The following CELF2 variants were observed in gnomAD, a reference collection of about 807,000 sequenced individuals.
CELF2 encodes the protein CUG triplet repeat RNA-binding protein 2.
CELF2 carries 8 observed loss-of-function variants against 62.6 expected under a neutral mutation model. That is an observed-to-expected ratio of 0.13 (90% CI 0.07 to 0.23). The LOEUF is 0.23. Among genes scored for constraint, CELF2 ranks in the 10% least tolerant of loss-of-function variants. CELF2 has a pLI of 1.00. For missense variants in CELF2, 333 were observed against 671.0 expected, an observed-to-expected ratio of 0.50 and a Z score of 5.56; for synonymous variants, 258 against 250.0, an observed-to-expected ratio of 1.03 and a Z score of -0.30.
chr10:10,686,984 G>C, the CELF2 span, among the ~76,000 whole-genome samples: 1 of 152,116 alleles, frequency 6.6e-6, no homozygotes, highest in Admixed American at 6.5e-5. Flanking sequence ...CTAAATTCCT[G>C]ATCTCTGGCC....
intron 9 of CELF2, among the ~76,000 whole-genome samples, chr10:11,295,845 C>T (rs1433770099): frequency 1.3e-5 from 2 of 152,300 alleles, no homozygotes; most frequent in East Asian, 1.9e-4. Context: ...AAACCCCTCC[C>T]ACCCAGAGGG....
the CELF2 span, among the ~76,000 whole-genome samples, chr10:10,571,072 C>T: frequency 6.6e-6 from 1 of 152,016 alleles, no homozygotes; most frequent in Admixed American, 6.6e-5. Context: ...AAGAAACAGG[C>T]AATTACATAA....
chr10:10,965,616 A>G (rs571002646), intron 2 of CELF2, among the ~76,000 whole-genome samples: 99 of 152,316 alleles, frequency 6.5e-4, no homozygotes, highest in African/African-American at 2.3e-3. Context: ...ACAAATAAAT[A>G]TCATCCAAAT....
intron 1 of CELF2, among the ~76,000 whole-genome samples, chr10:11,027,623 C>T (rs912839355): frequency 4.6e-5 from 7 of 152,164 alleles, no homozygotes; most frequent in East Asian, 1.9e-4. Flanking sequence ...AAGTAACTTC[C>T]TCTTGGATTG....
intron 1 of CELF2, among the ~76,000 whole-genome samples, chr10:10,859,827 T>C (rs1008982187): frequency 1.3e-5 from 2 of 152,210 alleles, no homozygotes; most frequent in Non-Finnish European, 2.9e-5. Flanking sequence ...ATAAATGATA[T>C]AGTTATCATC....
In CELF2 at chr10:10,889,346, T is replaced by C. The variant is rs184200671; in HGVS notation, c.54-30618T>C. ...ATATACTGTACTCCACTTATGGGGC[T>C]CTGAGGTTTTTCTTTTCTAGGCAGC... On this transcript the variant is annotated intron_variant, in intron 1 of 13. Coordinates refer to the CELF2 transcript ENST00000636488. Among the ~76,000 whole-genome samples, 39 of 152,316 alleles carry C rather than the reference T, an allele frequency of 2.6e-4. 1 individual carries two copies. The South Asian group carries it at 4.6e-3, about 18-fold the overall frequency.
chr10:10,871,618 G>C (rs557020898), intron 1 of CELF2, among the ~76,000 whole-genome samples: 1 of 152,232 alleles, frequency 6.6e-6, no homozygotes, highest in African/African-American at 2.4e-5. Flanking sequence ...GAAGGAGGAA[G>C]AGGAGGAGGG....
At chr10:11,101,088 A>G (rs2051478373) in intron 1 of CELF2, among the ~76,000 whole-genome samples, 1 of 152,186 alleles carries the variant, frequency 6.6e-6, no homozygotes, top group Non-Finnish European at 1.5e-5. Flanking sequence ...TCAATAGGAT[A>G]TTATGATGGA....
chr10:11,197,035 A>AGGAAGGAAGGAG (rs2057937919), intron 2 of CELF2, among the ~76,000 whole-genome samples: 1 of 35,966 alleles, frequency 2.8e-5, no homozygotes, highest in African/African-American at 1.6e-4. Flanking sequence ...AAAAGAAAGA[A>AGGAAGGAAGGAG]AGAAAGAAAG....
chr10:10,895,311 T>C (rs1427418380), intron 1 of CELF2, among the ~76,000 whole-genome samples: 1 of 152,188 alleles, frequency 6.6e-6, no homozygotes, highest in East Asian at 1.9e-4. Flanking sequence ...TTACCTGAAA[T>C]TGAGCAGAAA....
At chr10:10,572,292 T>C in the CELF2 span, among the ~76,000 whole-genome samples, 2 of 152,134 alleles carry the variant, frequency 1.3e-5, no homozygotes, top group Non-Finnish European at 2.9e-5. Context: ...TCTTCTGACT[T>C]AATCTCAGGA....
chr10:11,210,471 A>G (rs2061535734), intron 2 of CELF2, among the ~76,000 whole-genome samples: 1 of 152,046 alleles, frequency 6.6e-6, no homozygotes, highest in Non-Finnish European at 1.5e-5. Context: ...GCAGGAAACC[A>G]TTTTTCAGTT....
rs1163328943 is a variant in CELF2, at chr10:11,332,042, AAAATCCTACACT to A, written c.*2991_*3002del. ...TTCCACGAGGCCAATCTAAAGGGAA[AAAATCCTACACT>A]ACTTTTACTACTTTTGATTATTTCT... On this transcript the variant is annotated 3_prime_UTR_variant, in exon 13 of 13. Transcript: ENST00000633077. 6.6e-6 allele frequency: 1 copy of A among 152,238 alleles called. No individual in the cohort carries two copies. Among genetic ancestry groups the A allele is most frequent in the African/African-American group, 2.4e-5 (1 of 41,460 alleles). The allele number at this position is 152,238 out of a possible 1,614,324, so 9.4% of individuals were successfully genotyped here. A position where few individuals can be genotyped will look rare whatever the true frequency, so the allele number is the denominator to read the frequency against.
chr10:10,562,788 C>T, the CELF2 span, among the ~76,000 whole-genome samples: 8 of 139,446 alleles, frequency 5.7e-5, no homozygotes, highest in Non-Finnish European at 1.0e-4. Flanking sequence ...ACGGAGCCTA[C>T]CTCCCTGCCC....
At chr10:11,000,783 G>A (rs528489112), upstream of CELF2, among the ~76,000 whole-genome samples, 33 of 152,292 alleles carry the variant, frequency 2.2e-4, no homozygotes, top group African/African-American at 7.7e-4. Context: ...TGTGATACTC[G>A]GGTCTTTTAT....
chr10:10,883,551 C>G (rs1337980205), intron 1 of CELF2, among the ~76,000 whole-genome samples: 3 of 152,140 alleles, frequency 2.0e-5, no homozygotes, highest in African/African-American at 7.2e-5. Flanking sequence ...CCCGGAATGG[C>G]ATTTTTAGGC....
intron 1 of CELF2, among the ~76,000 whole-genome samples, chr10:11,029,603 T>C (rs1311709559): frequency 6.6e-6 from 1 of 152,212 alleles, no homozygotes; most frequent in Non-Finnish European, 1.5e-5. Context: ...GCACTTTGCA[T>C]TAGGGTGAAC....
chr10:10,880,556 C>T (rs954239014), intron 1 of CELF2, among the ~76,000 whole-genome samples: 6 of 152,190 alleles, frequency 3.9e-5, no homozygotes, highest in South Asian at 4.1e-4. Flanking sequence ...TGGGGTGTTA[C>T]GGATACTGGC....
chr10:10,891,485 A>G (rs562949407), intron 1 of CELF2, among the ~76,000 whole-genome samples: 1 of 152,006 alleles, frequency 6.6e-6, no homozygotes, highest in South Asian at 2.1e-4. Context: ...ATGCAATACT[A>G]GATACTTACA....
Sources: gnomAD v4.1 joint callset for allele counts (sites outside exome capture counted in the v4.1 genomes callset) on GRCh38, gnomAD v4.1.1 for gene constraint, MANE v1.5 for transcripts, NCBI Gene and HGNC (gene_info 2026-07-23, HGNC 2026-07-21) for gene names.